PSIP1: variants seen among roughly 807,000 people sequenced by gnomAD.
PSIP1 encodes the protein PC4 and SRSF1 interacting protein 1, also known as PC4 and SFRS1-interacting protein.
Under a neutral mutation model 74.7 loss-of-function variants are expected in PSIP1, and 19 were observed. The observed-to-expected ratio is 0.25, with a 90% CI of 0.18 to 0.37. The LOEUF (loss-of-function observed/expected upper bound fraction) is 0.37, where lower values mean the gene tolerates loss of function less well. Ranked by LOEUF, PSIP1 falls within the 10% of genes least tolerant of loss-of-function variation. The probability of loss-of-function intolerance (pLI) is 1.00; values close to 1 mark genes in which losing one functional copy is unlikely to be tolerated. For synonymous variants in PSIP1, 222 were observed against 195.3 expected (o/e 1.14, Z -1.14); for missense variants, 601 against 614.3 (o/e 0.98, Z 0.23).
chr9:15,510,395 G>GGGGGCGGC, intron 1 of PSIP1, 66 bp from the exon 2 acceptor site: 1 of 325,940 alleles, frequency 3.1e-6, no homozygotes, highest in Non-Finnish European at 5.7e-6. Context: ...AGGGGAGGGG[G>GGGGGCGGC]AGGGGAACCG....
chr9:15,473,924 AAAC>A (rs1270461541), intron 9 of PSIP1, 82 bp downstream of exon 9: 29 of 799,364 alleles, frequency 3.6e-5, no homozygotes, highest in African/African-American at 3.5e-4. Context: ...ACAAAAAAAA[AAAC>A]AAAAAAAAAA....
At chr9:15,498,726 C>T (rs1242752866) in intron 3 of PSIP1, among the ~76,000 whole-genome samples, 1 of 151,848 alleles carries the variant, frequency 6.6e-6, no homozygotes, top group Admixed American at 6.6e-5. Context: ...ATATCAAATA[C>T]CAAAAAATTG....
intron 3 of PSIP1, among the ~76,000 whole-genome samples, chr9:15,490,958 G>A: frequency 6.6e-6 from 1 of 152,170 alleles, no homozygotes; most frequent in East Asian, 1.9e-4. Flanking sequence ...ATCTGTGGTA[G>A]TAATGTTCTA....
chr9:15,468,274 A>G lies in PSIP1; in HGVS notation c.1420+356T>C. 9 of 525,686 alleles carry G rather than the reference A, an allele frequency of 1.7e-5. 1 individual carries two copies. The Middle Eastern group carries it at 2.8e-3, about 164-fold the overall frequency. The allele number at this position is 525,686 out of a possible 1,614,324, so 32.6% of individuals were successfully genotyped here. A position where few individuals can be genotyped will look rare whatever the true frequency, so the allele number is the denominator to read the frequency against. On this transcript the variant is annotated intron_variant, in intron 14 of 15. Coordinates refer to ENST00000380733, the MANE Select transcript of PSIP1 (RefSeq NM_033222.5). ...TTAATTTAAAAGGCTACTGTACGCT[A>G]TTTTACTTTTTAGGTGAGAAGAAAA...
intron 3 of PSIP1, among the ~76,000 whole-genome samples, chr9:15,503,950 T>C (rs1258615105): frequency 1.3e-5 from 2 of 152,162 alleles, no homozygotes; most frequent in African/African-American, 2.4e-5. Context: ...TTTCACTATA[T>C]TGGCCAAAGT....
intron 2 of PSIP1, among the ~76,000 whole-genome samples, chr9:15,507,989 C>G (rs926154): frequency 0.07 from 10,673 of 152,294 alleles, 520 homozygotes; most frequent in African/African-American, 0.14. Context: ...CTTAAGAGAT[C>G]ATTTCTGTTA....
Position 15,510,310 on chromosome 9 carries a change from G to A in PSIP1, c.-122C>T. 1.5e-6 allele frequency: 1 copy of A among 680,828 alleles called. No individual in the cohort carries two copies. The highest frequency in any genetic ancestry group is 2.3e-5 in the South Asian group (1 of 43,550). The allele number at this position is 680,828 out of a possible 1,614,324, so 42.2% of individuals were successfully genotyped here. On this transcript the variant is annotated 5_prime_UTR_variant, in exon 2 of 16. Transcript: ENST00000380733. ...GCCCGCGGGCGGGGGAGGATGCCTC[G>A]GGGCGTCCCGACGCGCCTGCTAGGG...
intron 10 of PSIP1, 28 bp from the exon 11 acceptor site, chr9:15,470,021 A>G (rs1478141932): frequency 6.4e-7 from 1 of 1,567,098 alleles, no homozygotes; most frequent in East Asian, 2.2e-5. Context: ...AAATATTTCA[A>G]CACATTGGAA....
Position 15,466,865 on chromosome 9 carries a change from G to A in PSIP1, c.1421-6C>T, listed in dbSNP as rs940288540. The stretch of plus-strand genomic sequence containing the variant: ...TCCATTTAGAGTCTTTGACCCTTGC[G>A]AAGGAATCCAATGGAAAAACTTTGT... On this transcript the variant is annotated splice_region_variant and splice_polypyrimidine_tract_variant and intron_variant, in intron 14 of 15. Coordinates refer to ENST00000380733, the MANE Select transcript of PSIP1 (RefSeq NM_033222.5). 59 of 1,600,978 alleles carry A rather than the reference G, an allele frequency of 3.7e-5. No homozygotes were observed. Among genetic ancestry groups the A allele is most frequent in the African/African-American group, 1.2e-4 (9 of 74,274 alleles).
chr9:15,468,920 A>G (rs1398286628), intron 13 of PSIP1, 37 bp downstream of exon 13: 14 of 1,606,676 alleles, frequency 8.7e-6, no homozygotes, highest in Non-Finnish European at 1.0e-5. Flanking sequence ...AAGTAATGAC[A>G]AAATTCAAAG....
At chr9:15,483,090 C>G (rs1026073363) in intron 6 of PSIP1, among the ~76,000 whole-genome samples, 2 of 152,214 alleles carry the variant, frequency 1.3e-5, no homozygotes, top group Admixed American at 6.5e-5. Flanking sequence ...CTTCAGGATT[C>G]TGGTTTCTGC....
intron 10 of PSIP1, chr9:15,472,349 T>C (rs1040381258): frequency 1.7e-6 from 2 of 1,200,864 alleles, no homozygotes; most frequent in African/African-American, 3.2e-5. Flanking sequence ...TGGTTGAGGA[T>C]GAGTACACTT....
chr9:15,483,398 T>A (rs1195286536), intron 6 of PSIP1, among the ~76,000 whole-genome samples: 1 of 139,968 alleles, frequency 7.1e-6, no homozygotes, highest in African/African-American at 2.6e-5. Flanking sequence ...CAACTTAACC[T>A]CTTAAAGTGC....
At chr9:15,472,108 A>G (rs1008916115) in intron 10 of PSIP1, 16 of 983,782 alleles carry the variant, frequency 1.6e-5, no homozygotes, top group South Asian at 4.7e-5. Flanking sequence ...ATTTAAGAGA[A>G]AACAGCTTTG....
intron 3 of PSIP1, among the ~76,000 whole-genome samples, chr9:15,494,509 G>C (rs2036981007): frequency 7.5e-6 from 1 of 133,490 alleles, no homozygotes; most frequent in Non-Finnish European, 1.5e-5. Context: ...AGGTTGTGGT[G>C]AGCCAAGATC....
At chr9:15,468,584 A>T (rs780275424) in intron 14 of PSIP1, 46 bp downstream of exon 14, 5 of 1,577,388 alleles carry the variant, frequency 3.2e-6, no homozygotes, top group Non-Finnish European at 2.6e-6. Context: ...AGTCCTGGCA[A>T]ATGGTTTAAA....
chr9:15,473,967 A>G, intron 9 of PSIP1, 42 bp downstream of exon 9: 1 of 1,408,724 alleles, frequency 7.1e-7, no homozygotes, highest in South Asian at 1.4e-5. Context: ...ATATATATAA[A>G]CTAAGAATAG....
At chr9:15,488,519 T>A (rs2036658799) in intron 4 of PSIP1, among the ~76,000 whole-genome samples, 1 of 152,210 alleles carries the variant, frequency 6.6e-6, no homozygotes, top group Non-Finnish European at 1.5e-5. Flanking sequence ...CTGATCCTAT[T>A]ATAAAGCCAT....
intron 2 of PSIP1, among the ~76,000 whole-genome samples, chr9:15,507,224 C>G (rs1385618547): frequency 6.6e-6 from 1 of 152,194 alleles, no homozygotes. Context: ...GCTCTTTCAA[C>G]CTTTTAAATT....
Sources: allele counts gnomAD v4.1 joint callset (sites outside exome capture counted in the v4.1 genomes callset), GRCh38; gene constraint gnomAD v4.1.1; transcripts MANE v1.5; gene names NCBI Gene and HGNC (gene_info 2026-07-23, HGNC 2026-07-21).